The following CRAMP1 variants were observed in gnomAD, a reference collection of about 807,000 sequenced individuals.
CRAMP1 encodes the protein cramped chromatin regulator 1, also known as protein cramped-like.
CRAMP1 carries 50 observed loss-of-function variants against 115.4 expected under a neutral mutation model. That is an observed-to-expected ratio of 0.43 (90% CI 0.35 to 0.55). The LOEUF is 0.55. Among genes scored for constraint, CRAMP1 ranks in the 20% least tolerant of loss-of-function variants. The probability of loss-of-function intolerance (pLI) is 0.01; values close to 1 mark genes in which losing one functional copy is unlikely to be tolerated. For synonymous variants in CRAMP1, 866 were observed against 745.4 expected (o/e 1.16, Z -2.64); for missense variants, 1,679 against 1,721.7 (o/e 0.98, Z 0.44).
At chr16:1,670,324 A>C in intron 19 of CRAMP1, 2 of 232,296 alleles carry the variant, frequency 8.6e-6, no homozygotes, top group Non-Finnish European at 1.6e-5. Flanking sequence ...AGAAGAAAGT[A>C]TGGGGGTGGG....
At chr16:1,647,350 G>C (rs59630965) in intron 6 of CRAMP1, among the ~76,000 whole-genome samples, 3,436 of 152,298 alleles carry the variant, frequency 0.023, 231 homozygotes, top group Admixed American at 0.13. Context: ...GAGAATAAAT[G>C]TATCCGAAAC....
At chr16:1,638,152 C>G (rs1276912170) in intron 5 of CRAMP1, among the ~76,000 whole-genome samples, 2 of 152,224 alleles carry the variant, frequency 1.3e-5, no homozygotes, top group Admixed American at 6.5e-5. Flanking sequence ...CATGTGTTCA[C>G]ACACTCTGCA....
intron 6 of CRAMP1, among the ~76,000 whole-genome samples, chr16:1,650,778 A>G (rs546418907): frequency 2.6e-5 from 4 of 152,380 alleles, no homozygotes; most frequent in Admixed American, 2.0e-4. Flanking sequence ...GACGTGTGCA[A>G]CTGGGAGTTG....
intron 8 of CRAMP1, 110 bp from the exon 9 acceptor site, chr16:1,655,109 G>A (rs985485637): frequency 1.1e-6 from 1 of 937,928 alleles, no homozygotes; most frequent in African/African-American, 1.6e-5. Context: ...CCTCTCCAGA[G>A]GTCCCTTGTC....
chr16:1,625,900 C>T lies in CRAMP1; in HGVS notation c.347-73C>T, dbSNP rs148435606. On this transcript the variant is annotated intron_variant, in intron 2 of 20. Transcript: ENST00000397412. ...ACCTCAGGGCAGTGGGCCCTTCCCTCCCACCGGCCCTCTACCCTGCCCAGC... is the reference window on the plus strand; with the variant it reads ...ACCTCAGGGCAGTGGGCCCTTCCCTTCCACCGGCCCTCTACCCTGCCCAGC... The T allele has an allele frequency of 2.3e-4, 339 of 1,445,832 alleles. 1 individual carries two copies. In the African/African-American group the frequency reaches 4.5e-3, roughly 19 times the overall value. The allele number at this position is 1,445,832 out of a possible 1,614,324, so 89.6% of individuals were successfully genotyped here. A position where few individuals can be genotyped will look rare whatever the true frequency, so the allele number is the denominator to read the frequency against.
chr16:1,662,485 C>T lies in CRAMP1; in HGVS notation c.2414-5C>T, dbSNP rs759638138. 15 of 1,612,042 alleles carry T rather than the reference C, an allele frequency of 9.3e-6. No homozygotes were observed. In the African/African-American group the frequency reaches 1.1e-4, roughly 11 times the overall value. ...TCACACTGATTCTCTCCTCTCCTCT[C>T]CCAGGTTTGAGAAACCCTCCAAGAC... is the stretch of plus-strand genomic sequence containing the variant. On this transcript the variant is annotated splice_polypyrimidine_tract_variant and splice_region_variant and intron_variant, in intron 11 of 20. Transcript: ENST00000397412.
Position 1,636,327 on chromosome 16 carries a change from C to T in CRAMP1, c.695-1497C>T, listed in dbSNP as rs180988239. Among the ~76,000 whole-genome samples, 56 of 151,448 alleles carry T rather than the reference C, an allele frequency of 3.7e-4. No individual in the cohort carries two copies. In the East Asian group the frequency reaches 0.011, roughly 28 times the overall value. On this transcript the variant is annotated intron_variant, in intron 4 of 20. Coordinates refer to ENST00000397412, the MANE Select transcript of CRAMP1 (RefSeq NM_020825.4). ...CGGAGGTTGCAGTGAGCTGAGATCG[C>T]GTCACCGCACTCCAGCCTGGGCAAC...
At position 1,612,381 on chromosome 16, in the gene CRAMP1, A is replaced by C. The variant is rs1290079522; in HGVS notation, c.-278A>C. The C allele has an allele frequency of 1.3e-5, 2 of 151,734 alleles. No homozygotes were observed. Among genetic ancestry groups the C allele is most frequent in the Admixed American group, 6.6e-5 (1 of 15,168 alleles). The allele number at this position is 151,734 out of a possible 1,614,324, so 9.4% of individuals were successfully genotyped here. ...CCGTGAGGTCCCCACCGGCCGCCGT[A>C]GCCGGAACTGCTGCTGAGGGCGGCG... On this transcript the variant is annotated 5_prime_UTR_variant, in exon 1 of 21. Coordinates refer to ENST00000397412, the MANE Select transcript of CRAMP1 (RefSeq NM_020825.4).
chr16:1,656,243 G>T lies in CRAMP1; in HGVS notation c.1486G>T (p.Gly496Trp). ...AGAGAGTTCCCCCGAAAGCGCCCCCGGGGAGGGGGCTGCCCTAAGCTTGAG... is the reference window on the plus strand; with the variant it reads ...AGAGAGTTCCCCCGAAAGCGCCCCCTGGGAGGGGGCTGCCCTAAGCTTGAG... Reference protein sequence around the residue: ...SGESSPESAPGEGAALSLSSP... With the variant: ...SGESSPESAPWEGAALSLSSP... Residue 496 changes from glycine (G) to tryptophan (W), a missense_variant, in exon 10 of 21, where the codon GGG becomes TGG. Physicochemically the swap from Gly to Trp is radical, Grantham distance 184. Coordinates refer to ENST00000397412, the MANE Select transcript of CRAMP1 (RefSeq NM_020825.4). This position sits in a 1 kb window ranked among gnomAD's most constrained non-coding sequence, Gnocchi z 5.6. 6.2e-7 allele frequency: 1 copy of T among 1,609,344 alleles called. No homozygotes were observed.
At position 1,666,292 on chromosome 16, in the gene CRAMP1, C is replaced by T; in HGVS notation, c.2857+115C>T. 2 of 1,188,714 alleles carry T rather than the reference C, an allele frequency of 1.7e-6. No homozygotes were observed. The highest frequency in any genetic ancestry group is 4.1e-5 in the Admixed American group (2 of 48,336). 73.6% of individuals were successfully genotyped at this position (1,188,714 alleles called of 1,614,324 possible). On this transcript the variant is annotated intron_variant, in intron 15 of 20. Transcript: ENST00000397412. The surrounding 1 kb of genome is among the most constrained non-coding windows in gnomAD (Gnocchi z 5.0). ...ATCATAATGTCTCATTACCCTTCAC[C>T]AAGAACATCTAAGCCCTTGGCTCTT...
At chr16:1,662,419 C>A in intron 11 of CRAMP1, 71 bp from the exon 12 acceptor site, 1 of 1,283,464 alleles carries the variant, frequency 7.8e-7, no homozygotes, top group South Asian at 1.3e-5. Context: ...TTCTTCCCAA[C>A]GGAATTCCGT....
rs374268526 is a variant in CRAMP1, at chr16:1,637,833, G to A, written c.704G>A (p.Arg235Gln). 7 of 1,540,760 alleles carry A rather than the reference G, an allele frequency of 4.5e-6. No individual in the cohort carries two copies. The highest frequency in any genetic ancestry group is 6.1e-6 in the Non-Finnish European group (7 of 1,144,518). Residue 235 changes from arginine (R) to glutamine (Q), a missense_variant, in exon 5 of 21, where the codon CGA becomes CAA. By Grantham distance (43) the Arg-to-Gln change is conservative. Coordinates refer to ENST00000397412, the MANE Select transcript of CRAMP1 (RefSeq NM_020825.4). ...CTCTTCTGTTTCTCAGTGTTCTCTC[G>A]AGGCCTGAAGAAGTCATCCCAGGAA... ...KYIDFDHVFS[R>Q]GLKKSSQELY...
rs572186266 is a variant in CRAMP1 at position 1,669,675 on chromosome 16, C to T, written c.3499+510C>T. Among the ~76,000 whole-genome samples the T allele has an allele frequency of 3.9e-5, 6 of 152,326 alleles. No homozygotes were observed. Among genetic ancestry groups the T allele is most frequent in the African/African-American group, 1.4e-4 (6 of 41,560 alleles). On this transcript the variant is annotated intron_variant, in intron 19 of 20. Coordinates refer to ENST00000397412, the MANE Select transcript of CRAMP1 (RefSeq NM_020825.4). This position sits in a 1 kb window ranked among gnomAD's most constrained non-coding sequence, Gnocchi z 4.6. Reference sequence around the variant, plus strand: ...TCCTCCTCCCCCACTGCCCGTTTGCCCACTGGGTAGCAAGTGTGGCAGGAA... The same window carrying T: ...TCCTCCTCCCCCACTGCCCGTTTGCTCACTGGGTAGCAAGTGTGGCAGGAA...
chr16:1,627,569 C>T (rs989773038), intron 3 of CRAMP1, among the ~76,000 whole-genome samples: 22 of 152,158 alleles, frequency 1.4e-4, no homozygotes, highest in Admixed American at 1.1e-3. Flanking sequence ...GACTTGAGTA[C>T]GGTGCATGCT....
At chr16:1,616,756 A>G (rs1596480366) in intron 2 of CRAMP1, among the ~76,000 whole-genome samples, 2 of 151,940 alleles carry the variant, frequency 1.3e-5, no homozygotes, top group East Asian at 3.9e-4. Flanking sequence ...TAAAATGCAA[A>G]TTTATTAGAA....
rs1477681996 is a variant in CRAMP1, at chr16:1,614,517, G to GGCCGA, written c.-1-117_-1-113dup. 12 of 465,238 alleles carry GGCCGA rather than the reference G, an allele frequency of 2.6e-5. No homozygotes were observed. The highest frequency in any genetic ancestry group is 2.8e-5 in the Non-Finnish European group (9 of 326,514). 28.8% of individuals were successfully genotyped at this position (465,238 alleles called of 1,614,324 possible). On this transcript the variant is annotated intron_variant, in intron 1 of 20. Transcript: ENST00000397412. This position sits in a 1 kb window ranked among gnomAD's most constrained non-coding sequence, Gnocchi z 4.4. ...GGCTCGGGCGGGCTCGGGCGGGCCG[G>GGCCGA]GCCGAGCCGCCGAGAGGGGATTTGG...
chr16:1,638,819 C>T (rs2036609579), intron 5 of CRAMP1, among the ~76,000 whole-genome samples: 1 of 151,938 alleles, frequency 6.6e-6, no homozygotes, highest in African/African-American at 2.4e-5. Flanking sequence ...CTTGCTGCCC[C>T]TCCATGCCTT....
rs1424978349 is a variant in CRAMP1 at position 1,677,729 on chromosome 16, C to T, written c.*3684C>T. On this transcript the variant is annotated 3_prime_UTR_variant, in exon 21 of 21. Transcript: ENST00000397412. ...GTGTATGTATAAAGCAGAATGCCTG[C>T]CTTTCCTGGTTATTTTTTGTACCAT... The T allele has an allele frequency of 6.6e-6, 1 of 152,564 alleles. No homozygotes were observed. Among genetic ancestry groups the T allele is most frequent in the East Asian group, 1.9e-4 (1 of 5,210 alleles). 9.5% of individuals were successfully genotyped at this position (152,564 alleles called of 1,614,324 possible).
At position 1,669,290 on chromosome 16, in the gene CRAMP1, GT is replaced by G; in HGVS notation, c.3499+128del. The G allele has an allele frequency of 2.7e-6, 2 of 731,798 alleles. No homozygotes were observed. Among genetic ancestry groups the G allele is most frequent in the Non-Finnish European group, 4.2e-6 (2 of 478,182 alleles). 45.3% of individuals were successfully genotyped at this position (731,798 alleles called of 1,614,324 possible). A position where few individuals can be genotyped will look rare whatever the true frequency, so the allele number is the denominator to read the frequency against. On this transcript the variant is annotated intron_variant, in intron 19 of 20. Transcript: ENST00000397412. The surrounding 1 kb of genome is among the most constrained non-coding windows in gnomAD (Gnocchi z 4.6). The stretch of plus-strand genomic sequence containing the variant: ...CTGTTGGCTTGTTCGCTTCTCAAGT[GT>G]TTGTATTTTTCTGAGTTAATATTTT...
Sources: allele counts gnomAD v4.1 joint callset (sites outside exome capture counted in the v4.1 genomes callset), GRCh38; gene constraint gnomAD v4.1.1; non-coding constraint Gnocchi (gnomAD v3.1); transcripts MANE v1.5; gene names NCBI Gene and HGNC (gene_info 2026-07-23, HGNC 2026-07-21).